The following KHNYN variants were observed in gnomAD, a reference collection of about 807,000 sequenced individuals.
KHNYN encodes the protein KH and NYN domain containing.
Under a neutral mutation model 62.7 loss-of-function variants are expected in KHNYN, and 42 were observed. The ratio of observed to expected loss-of-function variants is 0.67; its 90% CI spans 0.52 to 0.87. The LOEUF (loss-of-function observed/expected upper bound fraction) is 0.87. KHNYN is among the 40% of genes least tolerant of loss of function. The probability of loss-of-function intolerance (pLI) is 0.00; values close to 1 mark genes in which losing one functional copy is unlikely to be tolerated. For missense variants in KHNYN, 829 were observed against 874.1 expected, an observed-to-expected ratio of 0.95 and a Z score of 0.65; for synonymous variants, 347 against 345.6, an observed-to-expected ratio of 1.00 and a Z score of -0.04.
chr14:24,435,032 C>T (rs2043184148), intron 5 of KHNYN, among the ~76,000 whole-genome samples: 1 of 152,162 alleles, frequency 6.6e-6, no homozygotes, highest in Admixed American at 6.5e-5. Flanking sequence ...GGTTGGATCT[C>T]TGTTTCTAAA....
In KHNYN at chr14:24,433,021, C is replaced by G; in HGVS notation, c.1566C>G (p.Ser522=). ...TCATGGATGGCAAGAGGATCTCCTC[C>G]TATGATGACAGGTACTTGCTCCTCT... ...SRVMDGKRIS[S]YDDRFMVKLA... The change falls in exon 5 of 8, where the codon TCC becomes TCG. Residue 522 remains serine (S), a synonymous_variant. Coordinates refer to ENST00000553935, the MANE Select transcript of KHNYN (RefSeq NM_015299.3). The G allele has an allele frequency of 6.2e-7, 1 of 1,613,932 alleles. No homozygotes were observed. The highest frequency in any genetic ancestry group is 1.1e-5 in the South Asian group (1 of 91,066).
At chr14:24,429,239 A>C, upstream of KHNYN, 1 of 702,394 alleles carries the variant, frequency 1.4e-6, no homozygotes, top group South Asian at 1.6e-5. Flanking sequence ...CTGTCACTGC[A>C]GTTCCCTCCT....
chr14:24,433,061 T>C, intron 5 of KHNYN, 29 bp downstream of exon 5: 1 of 1,588,396 alleles, frequency 6.3e-7, no homozygotes, highest in Non-Finnish European at 8.6e-7. Flanking sequence ...GCCCCAGGCT[T>C]GATATTGAAG....
At chr14:24,430,520 G>C in intron 1 of KHNYN, 194 bp from the exon 2 acceptor site, 1 of 1,391,328 alleles carries the variant, frequency 7.2e-7, no homozygotes, top group South Asian at 1.6e-5. Context: ...CTTGTTTACC[G>C]GGACTTCCTC....
In KHNYN at chr14:24,440,490, C is replaced by A; in HGVS notation, c.*3205C>A. The A allele has an allele frequency of 1.9e-6, 3 of 1,602,452 alleles. No individual in the cohort carries two copies. Among genetic ancestry groups the A allele is most frequent in the Non-Finnish European group, 2.6e-6 (3 of 1,174,576 alleles). On this transcript the variant is annotated 3_prime_UTR_variant, in exon 8 of 8. Coordinates refer to ENST00000553935, the MANE Select transcript of KHNYN (RefSeq NM_015299.3). The stretch of plus-strand genomic sequence containing the variant: ...GCACCACCCCCACGGCCCAGCACAA[C>A]CCCTAGAGCAGGAAAGAGGGAAGGT...
In KHNYN at chr14:24,431,045, C is replaced by G. The variant is rs531888295; in HGVS notation, c.201+114C>G. The G allele has an allele frequency of 3.6e-5, 36 of 997,346 alleles. No homozygotes were observed. The African/African-American group carries it at 5.5e-4, about 15-fold the overall frequency. 61.8% of individuals were successfully genotyped at this position (997,346 alleles called of 1,614,324 possible). On this transcript the variant is annotated intron_variant, in intron 2 of 7. Coordinates refer to ENST00000553935, the MANE Select transcript of KHNYN (RefSeq NM_015299.3). ...AGGAGGGGCCTGGGGAGGATCTCCA[C>G]TTCTTGGTTGTCTCACTGGCAACCT...
Position 24,437,847 on chromosome 14 carries a change from T to C in KHNYN, c.*562T>C, listed in dbSNP as rs1479482008. 2.6e-5 allele frequency: 4 copies of C among 152,316 alleles called. No individual in the cohort carries two copies. Among genetic ancestry groups the C allele is most frequent in the Non-Finnish European group, 5.9e-5 (4 of 68,106 alleles). 9.4% of individuals were successfully genotyped at this position (152,316 alleles called of 1,614,324 possible). A position where few individuals can be genotyped will look rare whatever the true frequency, so the allele number is the denominator to read the frequency against. Reference sequence around the variant, plus strand: ...AGCTATGCCTGTTTTGTGACCTTGATTGAGTTGCTTGGGCTTTACTTCTGC... The same window carrying C: ...AGCTATGCCTGTTTTGTGACCTTGACTGAGTTGCTTGGGCTTTACTTCTGC... On this transcript the variant is annotated 3_prime_UTR_variant, in exon 8 of 8. Coordinates refer to ENST00000553935, the MANE Select transcript of KHNYN (RefSeq NM_015299.3). This position sits in a 1 kb window ranked among gnomAD's most constrained non-coding sequence, Gnocchi z 5.5.
chr14:24,433,080 T>C, intron 5 of KHNYN, 48 bp downstream of exon 5: 1 of 1,524,668 alleles, frequency 6.6e-7, no homozygotes, highest in Non-Finnish European at 9.1e-7. Flanking sequence ...AGGAGCCCTA[T>C]GGAAGACTGA....
chr14:24,440,187 T>C lies in KHNYN; in HGVS notation c.*2902T>C. Reference sequence around the variant, plus strand: ...ATCACCTTCTGGCCCTCCAGCAGCATGATGGCACGCTGTCGCCCAAAGACA... The same window carrying C: ...ATCACCTTCTGGCCCTCCAGCAGCACGATGGCACGCTGTCGCCCAAAGACA... On this transcript the variant is annotated 3_prime_UTR_variant, in exon 8 of 8. Coordinates refer to ENST00000553935, the MANE Select transcript of KHNYN (RefSeq NM_015299.3). 1.9e-6 allele frequency: 3 copies of C among 1,613,940 alleles called. No homozygotes were observed. The highest frequency in any genetic ancestry group is 2.5e-6 in the Non-Finnish European group (3 of 1,179,836).
chr14:24,425,722 G>A (rs1380872658), upstream of KHNYN, among the ~76,000 whole-genome samples: 2 of 152,194 alleles, frequency 1.3e-5, no homozygotes, highest in East Asian at 3.8e-4. Context: ...AATTAGTGGG[G>A]TAATACAGAG....
rs1428859390 is a variant in KHNYN, at chr14:24,440,064, G to A, written c.*2779G>A. The A allele has an allele frequency of 1.3e-6, 2 of 1,571,396 alleles. No individual in the cohort carries two copies. Among genetic ancestry groups the A allele is most frequent in the Admixed American group, 3.5e-5 (2 of 57,512 alleles). On this transcript the variant is annotated 3_prime_UTR_variant, in exon 8 of 8. Coordinates refer to ENST00000553935, the MANE Select transcript of KHNYN (RefSeq NM_015299.3). ...GGAAGCCTGTGAGGAACAGGCCTCA[G>A]GCCCTTGCCACGACCTACTTAGGCT...
chr14:24,433,454 A>G (rs1156496390), intron 5 of KHNYN, among the ~76,000 whole-genome samples: 1 of 152,240 alleles, frequency 6.6e-6, no homozygotes, highest in Non-Finnish European at 1.5e-5. Flanking sequence ...ATGGAGAAAC[A>G]CAACGCATGA....
the KHNYN span, among the ~76,000 whole-genome samples, chr14:24,423,641 A>T: frequency 2.0e-5 from 3 of 152,250 alleles, no homozygotes; most frequent in African/African-American, 4.8e-5. Flanking sequence ...ATTCTGGGGA[A>T]GATGAGGGGC....
upstream of KHNYN, chr14:24,429,011 C>A: frequency 1.3e-6 from 2 of 1,545,912 alleles, no homozygotes; most frequent in Non-Finnish European, 1.7e-6. Context: ...CAGCCCGGGA[C>A]TGTGTAGGGG....
chr14:24,429,882 G>T (rs947171081), upstream of KHNYN: 33 of 1,012,538 alleles, frequency 3.3e-5, no homozygotes, highest in Admixed American at 5.4e-5. Flanking sequence ...CGGCGGCGGG[G>T]TTGGGAGGAG....
chr14:24,434,153 A>G (rs1489733469), intron 5 of KHNYN: 13 of 984,902 alleles, frequency 1.3e-5, no homozygotes, highest in Middle Eastern at 5.2e-4. Context: ...GCATTGAAAC[A>G]GAATTGAAAC....
chr14:24,436,077 T>C lies in KHNYN; in HGVS notation c.1583T>C (p.Met528Thr). The change falls in exon 6 of 8, where the codon ATG (methionine) becomes ACG (threonine). Residue 528 changes from methionine to threonine, a missense_variant. Met to Thr is a moderately conservative substitution (Grantham distance 81, BLOSUM62 -1). This residue lies in a region of KHNYN where 270 missense variants were observed against 347.1 expected (regional missense o/e 0.78). Transcript: ENST00000553935. The stretch of plus-strand genomic sequence containing the variant: ...TGCTGTGGTTTTGGAGACAGGTTCA[T>C]GGTGAAGCTGGCTGAAGAGACAGAT... Reference protein sequence around the residue: ...KRISSYDDRFMVKLAEETDGI... With the variant: ...KRISSYDDRFTVKLAEETDGI... 2.5e-6 allele frequency: 4 copies of C among 1,613,950 alleles called. No homozygotes were observed. Among genetic ancestry groups the C allele is most frequent in the Non-Finnish European group, 3.4e-6 (4 of 1,179,842 alleles).
At position 24,432,619 on chromosome 14, in the gene KHNYN, C is replaced by T. The variant is rs1434567859; in HGVS notation, c.1349+9C>T. ...AGCAACGTGGCCATGGTGTGAGTAC[C>T]TGGTGGGGCTAAGGGCCTAGGAGAG... On this transcript the variant is annotated intron_variant, in intron 3 of 7. Coordinates refer to ENST00000553935, the MANE Select transcript of KHNYN (RefSeq NM_015299.3). This position sits in a 1 kb window ranked among gnomAD's most constrained non-coding sequence, Gnocchi z 5.6. 5.6e-6 allele frequency: 9 copies of T among 1,607,106 alleles called. No homozygotes were observed. Among genetic ancestry groups the T allele is most frequent in the Non-Finnish European group, 7.7e-6 (9 of 1,175,002 alleles).
At position 24,432,247 on chromosome 14, in the gene KHNYN, A is replaced by G. The variant is rs1257292598; in HGVS notation, c.986A>G (p.His329Arg). The change falls in exon 3 of 8, where the codon CAT becomes CGT. Residue 329 changes from histidine (H) to arginine (R), a missense_variant. Physicochemically the swap from His to Arg is conservative, Grantham distance 29 (BLOSUM62 0). Coordinates refer to ENST00000553935, the MANE Select transcript of KHNYN (RefSeq NM_015299.3). This position sits in a 1 kb window ranked among gnomAD's most constrained non-coding sequence, Gnocchi z 5.6. ...GTCCACCGTGAGCCTCCCGGTGCCC[A>G]TGGCTCCTGTCACAGGGCAGCTCAG... ...FCVHREPPGA[H>R]GSCHRAAQSR... is the part of the protein sequence containing the mutation. The G allele has an allele frequency of 1.2e-6, 2 of 1,611,080 alleles. No homozygotes were observed. Among genetic ancestry groups the G allele is most frequent in the East Asian group, 2.2e-5 (1 of 44,838 alleles).
Sources: allele counts gnomAD v4.1 joint callset (sites outside exome capture counted in the v4.1 genomes callset), GRCh38; gene constraint gnomAD v4.1.1; regional missense constraint gnomAD v4.1.1; non-coding constraint Gnocchi (gnomAD v3.1); transcripts MANE v1.5; gene names NCBI Gene and HGNC (gene_info 2026-07-23, HGNC 2026-07-21).